EMCN: variants seen among roughly 807,000 people sequenced by gnomAD.
The protein encoded by EMCN is endomucin, also known as MUC-14.
In EMCN, 37 loss-of-function variants were observed where a neutral mutation model predicts 38.4. The ratio of observed to expected loss-of-function variants is 0.96; its 90% confidence interval spans 0.74 to 1.27. The LOEUF (loss-of-function observed/expected upper bound fraction) is 1.27. Among genes scored for constraint, EMCN ranks in the 50% most tolerant of loss-of-function variants. EMCN has a pLI of 0.00. For missense variants in EMCN, 318 were observed against 302.8 expected (o/e 1.05, Z -0.37); for synonymous variants, 95 against 100.8 (o/e 0.94, Z 0.35).
At chr4:100,412,810 T>A (rs1285395685) in intron 10 of EMCN, among the ~76,000 whole-genome samples, 2 of 152,146 alleles carry the variant, frequency 1.3e-5, no homozygotes, top group Non-Finnish European at 2.9e-5. Flanking sequence ...AAGACCTTAT[T>A]CAACGAAGAA....
intron 11 of EMCN, among the ~76,000 whole-genome samples, chr4:100,407,401 G>C (rs1249579825): frequency 6.6e-6 from 1 of 152,156 alleles, no homozygotes; most frequent in African/African-American, 2.4e-5. Context: ...TGAACCTCTT[G>C]AAAAGCAGGT....
intron 1 of EMCN, among the ~76,000 whole-genome samples, chr4:100,508,599 A>G (rs751424899): frequency 6.6e-6 from 1 of 152,180 alleles, no homozygotes; most frequent in South Asian, 2.1e-4. Flanking sequence ...TACTGAATTA[A>G]GACTTCAGAG....
intron 4 of EMCN, among the ~76,000 whole-genome samples, chr4:100,454,402 C>G (rs1727947648): frequency 6.6e-6 from 1 of 152,012 alleles, no homozygotes; most frequent in Non-Finnish European, 1.5e-5. Flanking sequence ...CAACGTAGCT[C>G]TGCATATAGT....
At chr4:100,506,354 C>T (rs1020801930) in intron 1 of EMCN, among the ~76,000 whole-genome samples, 2 of 152,032 alleles carry the variant, frequency 1.3e-5, no homozygotes, top group East Asian at 1.9e-4. Context: ...CTTTGCAAAT[C>T]GTATGCCTAA....
intron 4 of EMCN, among the ~76,000 whole-genome samples, chr4:100,459,314 T>TAA (rs1728110984): frequency 6.6e-6 from 1 of 151,376 alleles, no homozygotes; most frequent in Non-Finnish European, 1.5e-5. Context: ...CATATATATA[T>TAA]ACATATGGTG....
At chr4:100,480,568 GTA>G (rs973895441) in intron 1 of EMCN, among the ~76,000 whole-genome samples, 1 of 145,214 alleles carries the variant, frequency 6.9e-6, no homozygotes, top group Non-Finnish European at 1.5e-5. Context: ...ACATATATGT[GTA>G]TATATATACA....
chr4:100,468,234 A>T (rs1260230473), intron 3 of EMCN, among the ~76,000 whole-genome samples: 1 of 152,208 alleles, frequency 6.6e-6, no homozygotes, highest in Non-Finnish European at 1.5e-5. Context: ...CTTAGGTGAA[A>T]ACCACTGCAT....
chr4:100,494,144 A>G (rs1042895933), intron 1 of EMCN, among the ~76,000 whole-genome samples: 1 of 152,204 alleles, frequency 6.6e-6, no homozygotes, highest in Non-Finnish European at 1.5e-5. Flanking sequence ...ACAAAGAAGA[A>G]TTCATGATTG....
At chr4:100,513,762 T>C (rs1460124022) in intron 1 of EMCN, among the ~76,000 whole-genome samples, 2 of 152,160 alleles carry the variant, frequency 1.3e-5, no homozygotes, top group Non-Finnish European at 2.9e-5. Context: ...TAGTAAACTA[T>C]TAGGTGATTG....
At chr4:100,432,477 A>G (rs1338406116) in intron 5 of EMCN, among the ~76,000 whole-genome samples, 1 of 152,138 alleles carries the variant, frequency 6.6e-6, no homozygotes, top group Non-Finnish European at 1.5e-5. Context: ...TCCATGTATC[A>G]TTCCTCTTTT....
intron 5 of EMCN, among the ~76,000 whole-genome samples, chr4:100,440,256 T>C (rs1295852644): frequency 6.6e-6 from 1 of 152,184 alleles, no homozygotes; most frequent in Non-Finnish European, 1.5e-5. Flanking sequence ...TTTATTTTAA[T>C]AGCTTTTGGG....
chr4:100,492,140 T>A (rs968868595), intron 1 of EMCN, among the ~76,000 whole-genome samples: 5 of 151,960 alleles, frequency 3.3e-5, no homozygotes, highest in African/African-American at 7.3e-5. Flanking sequence ...GAATAAAAAA[T>A]TAATGAAATT....
At chr4:100,444,374 C>A (rs752473714) in intron 5 of EMCN, among the ~76,000 whole-genome samples, 2 of 152,150 alleles carry the variant, frequency 1.3e-5, no homozygotes, top group African/African-American at 2.4e-5. Context: ...AGGCTCTGAG[C>A]CCCTGTGGGT....
At chr4:100,417,841 A>C (rs569793483) in intron 8 of EMCN, among the ~76,000 whole-genome samples, 1 of 152,312 alleles carries the variant, frequency 6.6e-6, no homozygotes, top group Admixed American at 6.5e-5. Flanking sequence ...ATCTATGGCC[A>C]ATCAGGCCAG....
chr4:100,442,241 T>C (rs1727542641), intron 5 of EMCN, among the ~76,000 whole-genome samples: 1 of 152,214 alleles, frequency 6.6e-6, no homozygotes. Flanking sequence ...GCAAGGTTTC[T>C]ATTGAGAAAT....
intron 9 of EMCN, among the ~76,000 whole-genome samples, chr4:100,416,251 G>C (rs566022497): frequency 1.3e-5 from 2 of 152,174 alleles, no homozygotes; most frequent in East Asian, 3.9e-4. Flanking sequence ...GTGATTGTCA[G>C]ATAAATTAAA....
chr4:100,511,760 C>G (rs1166620201), intron 1 of EMCN, among the ~76,000 whole-genome samples: 1 of 151,700 alleles, frequency 6.6e-6, no homozygotes, highest in African/African-American at 2.4e-5. Flanking sequence ...AAAATGTTCT[C>G]ATCAAGAAAA....
At chr4:100,441,314 G>T (rs1727510139) in intron 5 of EMCN, among the ~76,000 whole-genome samples, 1 of 151,990 alleles carries the variant, frequency 6.6e-6, no homozygotes, top group Admixed American at 6.6e-5. Context: ...ATTTCATCAG[G>T]TGTAAGTATA....
At chr4:100,408,552 C>G (rs186941164) in intron 11 of EMCN, among the ~76,000 whole-genome samples, 1 of 152,256 alleles carries the variant, frequency 6.6e-6, no homozygotes, top group African/African-American at 2.4e-5. Context: ...AACATAATGA[C>G]TGGTAGATAG....
Sources: allele counts gnomAD v4.1 joint callset (sites outside exome capture counted in the v4.1 genomes callset), GRCh38; gene constraint gnomAD v4.1.1; transcripts MANE v1.5; gene names NCBI Gene and HGNC (gene_info 2026-07-23, HGNC 2026-07-21).